Variants in SDK1 observed in about 807,000 individuals in gnomAD.
SDK1 encodes protein sidekick-1.
Under a neutral mutation model 245.5 loss-of-function variants are expected in SDK1, and 157 were observed. The ratio of observed to expected loss-of-function variants is 0.64; its 90% CI spans 0.56 to 0.73. SDK1 has a LOEUF of 0.73. SDK1 is among the 30% of genes least tolerant of loss of function. The pLI is 0.00. For missense variants in SDK1, 3,583 were observed against 3,002.3 expected, an observed-to-expected ratio of 1.19 and a Z score of -4.52; for synonymous variants, 1,647 against 1,278.5, an observed-to-expected ratio of 1.29 and a Z score of -6.15.
chr7:3,786,790 T>G (rs1429034298), intron 4 of SDK1, among the ~76,000 whole-genome samples: 1 of 152,136 alleles, frequency 6.6e-6, no homozygotes, highest in African/African-American at 2.4e-5. Context: ...TTTTCCTTTT[T>G]AAAACAAGTT....
intron 4 of SDK1, among the ~76,000 whole-genome samples, chr7:3,676,762 T>C (rs1441849633): frequency 6.6e-6 from 1 of 152,250 alleles, no homozygotes; most frequent in African/African-American, 2.4e-5. Flanking sequence ...TAGCAACATT[T>C]ATTGAATAGG....
At chr7:3,901,289 C>A (rs193294966) in intron 5 of SDK1, among the ~76,000 whole-genome samples, 1 of 152,014 alleles carries the variant, frequency 6.6e-6, no homozygotes, top group Non-Finnish European at 1.5e-5. Context: ...CGGGTTCAAG[C>A]GATTCTCCTG....
chr7:3,979,358 C>T (rs1783217150), intron 13 of SDK1, among the ~76,000 whole-genome samples: 1 of 152,208 alleles, frequency 6.6e-6, no homozygotes, highest in Non-Finnish European at 1.5e-5. Context: ...CAGCACCCTG[C>T]CTCCTGGGGC....
At position 4,089,661 on chromosome 7, in the gene SDK1, G is replaced by C. The variant is rs79180561; in HGVS notation, c.3324+10077G>C. On this transcript the variant is annotated intron_variant, in intron 22 of 44. Transcript: ENST00000404826. ...GGAGCCCACGTGTGGGTGACTCCCT[G>C]GGGCTGCCTGACTCCTGGGCCAGCT... Among the ~76,000 whole-genome samples the C allele has an allele frequency of 3.6e-4, 55 of 152,336 alleles. 1 individual carries two copies. In the East Asian group the frequency reaches 8.5e-3, roughly 24 times the overall value.
intron 19 of SDK1, among the ~76,000 whole-genome samples, chr7:4,057,305 A>ACCCTG (rs1779265152): frequency 6.6e-6 from 1 of 152,038 alleles, no homozygotes; most frequent in Non-Finnish European, 1.5e-5. Context: ...CCCTGGGCTC[A>ACCCTG]CCCTGCCCTG....
chr7:3,912,065 C>T (rs1023910194), intron 5 of SDK1, among the ~76,000 whole-genome samples: 5 of 152,130 alleles, frequency 3.3e-5, no homozygotes, highest in African/African-American at 7.2e-5. Context: ...AACAAAGGAT[C>T]GGCCAAGGAA....
intron 5 of SDK1, among the ~76,000 whole-genome samples, chr7:3,885,453 G>T (rs1781315141): frequency 6.6e-6 from 1 of 152,066 alleles, no homozygotes; most frequent in South Asian, 2.1e-4. Flanking sequence ...TCTGTTTATT[G>T]TACGTTATTA....
In SDK1 at chr7:3,410,610, G is replaced by A. The variant is rs960925187; in HGVS notation, c.298+108726G>A. ...TTTTTTTTTTTTTTTTTTTGGAGAA[G>A]GAGTCTTGCTCTGTCGCCTAGGCTG... On this transcript the variant is annotated intron_variant, in intron 1 of 44. Transcript: ENST00000404826. Among the ~76,000 whole-genome samples the A allele has an allele frequency of 3.9e-5, 5 of 127,760 alleles. No homozygotes were observed. The Admixed American group carries it at 4.2e-4, about 11-fold the overall frequency. 83.8% of individuals were successfully genotyped at this position (127,760 alleles called of 152,430 possible). A position where few individuals can be genotyped will look rare whatever the true frequency, so the allele number is the denominator to read the frequency against.
intron 1 of SDK1, among the ~76,000 whole-genome samples, chr7:3,385,389 T>G (rs1781585675): frequency 6.6e-6 from 1 of 152,184 alleles, no homozygotes; most frequent in Admixed American, 6.5e-5. Flanking sequence ...AAAATTCCCA[T>G]TTTTTGGTGA....
chr7:3,507,375 A>T (rs1210073299), intron 1 of SDK1, among the ~76,000 whole-genome samples: 5 of 152,068 alleles, frequency 3.3e-5, no homozygotes, highest in African/African-American at 1.2e-4. Context: ...AATTGCTCTG[A>T]TCTCTGTGTT....
At chr7:3,950,823 T>C in intron 5 of SDK1, 100 bp from the exon 6 acceptor site, 1 of 810,498 alleles carries the variant, frequency 1.2e-6, no homozygotes, top group East Asian at 2.7e-5. Context: ...TCTTTGGTTT[T>C]AGGTATCCCC....
intron 4 of SDK1, among the ~76,000 whole-genome samples, chr7:3,789,188 C>T (rs1274540353): frequency 6.6e-6 from 1 of 152,070 alleles, no homozygotes; most frequent in Non-Finnish European, 1.5e-5. Context: ...ACTCCTGTTA[C>T]CCAGGCTGGA....
chr7:4,267,529 G>GGA lies in SDK1; in HGVS notation c.*2146_*2147dup. On this transcript the variant is annotated 3_prime_UTR_variant, in exon 45 of 45. Transcript: ENST00000404826. ...AGAGGGCGAAGTGGGCGGGAAGCCA[G>GGA]GATGTGAGCACTGGAATTTCTTGGA... 1 of 985,512 alleles carries GGA rather than the reference G, an allele frequency of 1.0e-6. No individual in the cohort carries two copies. The highest frequency in any genetic ancestry group is 4.7e-5 in the South Asian group (1 of 21,290). The allele number at this position is 985,512 out of a possible 1,614,324, so 61.0% of individuals were successfully genotyped here.
At chr7:3,647,709 C>T (rs943561357) in intron 4 of SDK1, among the ~76,000 whole-genome samples, 2 of 152,114 alleles carry the variant, frequency 1.3e-5, no homozygotes, top group African/African-American at 2.4e-5. Flanking sequence ...GGATTACAGA[C>T]CACCGTGCCC....
At chr7:3,767,784 A>C (rs949897445) in intron 4 of SDK1, among the ~76,000 whole-genome samples, 1 of 152,216 alleles carries the variant, frequency 6.6e-6, no homozygotes, top group Non-Finnish European at 1.5e-5. Context: ...TCAAAAAACA[A>C]ACAAACAAAA....
intron 1 of SDK1, among the ~76,000 whole-genome samples, chr7:3,589,144 G>A (rs1208445916): frequency 6.6e-6 from 1 of 152,244 alleles, no homozygotes; most frequent in Non-Finnish European, 1.5e-5. Context: ...CACAGTTAAT[G>A]TGGGCCTTTT....
Position 3,723,419 on chromosome 7 carries a change from G to C in SDK1, c.713+81314G>C, listed in dbSNP as rs149377179. Among the ~76,000 whole-genome samples, 165 of 152,296 alleles carry C rather than the reference G, an allele frequency of 1.1e-3. 1 individual carries two copies. The highest frequency in any genetic ancestry group is 3.9e-3 in the African/African-American group (161 of 41,572). Reference sequence around the variant, plus strand: ...CTAAGGGCTGCTACTATATCTTGATGACTTAATAAGGGGATCTCCCTGTGG... The same window carrying C: ...CTAAGGGCTGCTACTATATCTTGATCACTTAATAAGGGGATCTCCCTGTGG... On this transcript the variant is annotated intron_variant, in intron 4 of 44. Transcript: ENST00000404826.
At chr7:3,878,337 G>A (rs1583503717) in intron 5 of SDK1, among the ~76,000 whole-genome samples, 1 of 152,076 alleles carries the variant, frequency 6.6e-6, no homozygotes, top group Non-Finnish European at 1.5e-5. Flanking sequence ...TGGCTAACAC[G>A]GTGAAACCCC....
chr7:3,596,271 T>G (rs888531917), intron 1 of SDK1, among the ~76,000 whole-genome samples: 3 of 151,950 alleles, frequency 2.0e-5, no homozygotes, highest in Non-Finnish European at 2.9e-5. Context: ...ATAGGAGAAA[T>G]GAAATTTCAG....
Sources: gnomAD v4.1 joint callset for allele counts (sites outside exome capture counted in the v4.1 genomes callset) on GRCh38, gnomAD v4.1.1 for gene constraint, MANE v1.5 for transcripts, NCBI Gene and HGNC (gene_info 2026-07-23, HGNC 2026-07-21) for gene names.